The following NAA38 variants were observed in gnomAD, a reference collection of about 807,000 sequenced individuals.
NAA38 encodes N-alpha-acetyltransferase 38, NatC auxiliary subunit, also known as LSM domain containing 1.
A neutral mutation model predicts 12.6 loss-of-function variants in NAA38; 15 were observed. The observed-to-expected ratio is 1.19, with a 90% CI of 0.79 to 1.83. NAA38 has a LOEUF of 1.83. Among genes scored for constraint, NAA38 ranks in the 40% most tolerant of loss-of-function variants. NAA38 has a pLI of 0.00. For missense variants in NAA38, 183 were observed against 171.7 expected (o/e 1.07, Z -0.37); for synonymous variants, 88 against 69.9 (o/e 1.26, Z -1.29).
intron 2 of NAA38, among the ~76,000 whole-genome samples, chr17:7,873,513 G>A (rs1967122402): frequency 6.6e-6 from 1 of 152,140 alleles, no homozygotes; most frequent in Middle Eastern, 3.2e-3. Context: ...TGGACACAGT[G>A]CGGTAAGGTG....
upstream of NAA38, chr17:7,858,193 T>G (rs780092780): frequency 2.5e-6 from 4 of 1,613,950 alleles, no homozygotes; most frequent in Admixed American, 6.7e-5. Flanking sequence ...CGTCGCTATT[T>G]CACGCCGGCG....
chr17:7,862,371 C>T (rs2078889069), upstream of NAA38: 1 of 152,142 alleles, frequency 6.6e-6, no homozygotes, highest in Non-Finnish European at 1.5e-5. Flanking sequence ...ATGTCTGGTT[C>T]CTGTGCTATA....
At chr17:7,884,876 G>T in intron 1 of NAA38, 1 of 1,319,162 alleles carries the variant, frequency 7.6e-7, no homozygotes, top group Admixed American at 2.3e-5. Context: ...GGAAGAAGAG[G>T]AGGAAGAAGA....
At chr17:7,859,255 CT>C, upstream of NAA38, 15 of 718,122 alleles carry the variant, frequency 2.1e-5, no homozygotes, top group Non-Finnish European at 2.7e-5. Flanking sequence ...GGAGTTTCAG[CT>C]TTTTTTTCCC....
At chr17:7,858,753 G>C, upstream of NAA38, 1 of 1,599,294 alleles carries the variant, frequency 6.3e-7, no homozygotes, top group Non-Finnish European at 8.5e-7. Context: ...TTATGAGGTG[G>C]GGCGGCTGTC....
Position 7,857,501 on chromosome 17 carries a change from A to C in NAA38, c.-38T>G. On this transcript the variant is annotated 5_prime_UTR_variant, in exon 1 of 3. Transcript: ENST00000575771. Reference sequence around the variant, plus strand: ...CTCCTCTGGGCCTTTCAACTTCCTAAGCACCTTTCAGGTTGGGTGGTCCGA... The same window carrying C: ...CTCCTCTGGGCCTTTCAACTTCCTACGCACCTTTCAGGTTGGGTGGTCCGA... The C allele has an allele frequency of 6.7e-7, 1 of 1,488,900 alleles. No individual in the cohort carries two copies. Among genetic ancestry groups the C allele is most frequent in the Non-Finnish European group, 8.9e-7 (1 of 1,120,984 alleles). 92.2% of individuals were successfully genotyped at this position (1,488,900 alleles called of 1,614,324 possible). A position where few individuals can be genotyped will look rare whatever the true frequency, so the allele number is the denominator to read the frequency against.
At chr17:7,874,885 CAAAAAAAA>C (rs35962141) in intron 2 of NAA38, among the ~76,000 whole-genome samples, 59 of 45,486 alleles carry the variant, frequency 1.3e-3, no homozygotes, top group African/African-American at 1.4e-3. Context: ...AACTCCATCT[CAAAAAAAA>C]AAAAAAAAAA....
At chr17:7,859,759 A>G (rs555901982), upstream of NAA38, 40 of 665,376 alleles carry the variant, frequency 6.0e-5, no homozygotes, top group East Asian at 1.0e-3. Flanking sequence ...TCTGAAGTGT[A>G]AAGGCCCTAT....
chr17:7,863,317 G>A (rs1222231074), intron 3 of NAA38: 2 of 152,080 alleles, frequency 1.3e-5, no homozygotes, highest in East Asian at 3.9e-4. Context: ...GTCCTCTTGT[G>A]GTAATCTCTT....
At chr17:7,874,136 TAGGAA>T (rs1319874369) in intron 2 of NAA38, among the ~76,000 whole-genome samples, 1 of 151,772 alleles carries the variant, frequency 6.6e-6, no homozygotes, top group Non-Finnish European at 1.5e-5. Flanking sequence ...TTAAGCTGGA[TAGGAA>T]AAGAGGTGAA....
At chr17:7,860,516 A>G (rs1327486962), upstream of NAA38, 1 of 152,236 alleles carries the variant, frequency 6.6e-6, no homozygotes, top group East Asian at 1.9e-4. Flanking sequence ...CACACTAGGT[A>G]GTAACCACTA....
upstream of NAA38, chr17:7,858,460 T>C (rs145621608): frequency 1.7e-5 from 28 of 1,614,100 alleles, no homozygotes; most frequent in African/African-American, 3.6e-4. Context: ...AGCCACTGGT[T>C]TGATCCAAAG....
chr17:7,865,313 CA>C (rs1966944798), intron 3 of NAA38: 1 of 152,126 alleles, frequency 6.6e-6, no homozygotes, highest in East Asian at 1.9e-4. Context: ...TAATGAGTAC[CA>C]AGGTAGTCAT....
At chr17:7,856,951 G>A in intron 2 of NAA38, 64 bp downstream of exon 2, 1 of 1,587,910 alleles carries the variant, frequency 6.3e-7, no homozygotes, top group South Asian at 1.1e-5. Context: ...GGCCCTTAAG[G>A]GGAAATGCCT....
intron 3 of NAA38, chr17:7,865,276 TAAGTA>T (rs1413669784): frequency 6.6e-6 from 1 of 152,180 alleles, no homozygotes; most frequent in African/African-American, 2.4e-5. Context: ...AGAGAGAGAT[TAAGTA>T]ACTTGCCAAA....
At chr17:7,878,756 G>T (rs1967219772) in intron 2 of NAA38, among the ~76,000 whole-genome samples, 1 of 152,104 alleles carries the variant, frequency 6.6e-6, no homozygotes, top group African/African-American at 2.4e-5. Context: ...TATTTAAAAT[G>T]TTGTATAATT....
chr17:7,868,506 T>C (rs770030089), intron 2 of NAA38, among the ~76,000 whole-genome samples: 1 of 152,196 alleles, frequency 6.6e-6, no homozygotes, highest in African/African-American at 2.4e-5. Context: ...TTGGATTCCA[T>C]TTCTTCAACC....
In NAA38 at chr17:7,857,425, C is replaced by T. The variant is rs764815714; in HGVS notation, c.39G>A (p.Glu13=). ...TCTGACGCCGACTGCAACAGCCATT[C>T]TCTTCTCGTAGCAGCATGGTCGGTC... is the stretch of plus-strand genomic sequence containing the variant. The part of the protein sequence containing the change: ...GAGPTMLLRE[E]NGCCSRRQSS... The change falls in exon 1 of 3, where the codon GAG becomes GAA. Residue 13 remains glutamate (E), a synonymous_variant. Transcript: ENST00000575771. 8.2e-6 allele frequency: 13 copies of T among 1,591,100 alleles called. No homozygotes were observed. The Admixed American group carries it at 2.4e-4, about 30-fold the overall frequency.
chr17:7,871,328 G>A (rs1967081735), intron 2 of NAA38, among the ~76,000 whole-genome samples: 1 of 152,196 alleles, frequency 6.6e-6, no homozygotes, highest in African/African-American at 2.4e-5. Context: ...GTTATTGAAA[G>A]GAGTGAGTGA....
Sources: allele counts gnomAD v4.1 joint callset (sites outside exome capture counted in the v4.1 genomes callset), GRCh38; gene constraint gnomAD v4.1.1; transcripts MANE v1.5; gene names NCBI Gene and HGNC (gene_info 2026-07-23, HGNC 2026-07-21).